The following ZNF184 variants were observed in gnomAD, a reference collection of about 807,000 sequenced individuals.
ZNF184 encodes zinc finger protein 184, also known as zinc finger protein 184 (Kruppel-like).
Under a neutral mutation model 54.4 loss-of-function variants are expected in ZNF184, and 16 were observed. That is an observed-to-expected ratio of 0.29 (90% CI 0.20 to 0.45). The LOEUF is 0.45. Among genes scored for constraint, ZNF184 ranks in the 20% least tolerant of loss-of-function variants. The probability of loss-of-function intolerance (pLI) is 1.00; values close to 1 mark genes in which losing one functional copy is unlikely to be tolerated. For missense variants in ZNF184, 681 were observed against 888.2 expected (o/e 0.77, Z 2.97); for synonymous variants, 254 against 295.3 (o/e 0.86, Z 1.43).
Position 27,451,268 on chromosome 6 carries a change from ATATC to A in ZNF184, c.*31_*34del, listed in dbSNP as rs2113708682. The A allele has an allele frequency of 6.5e-7, 1 of 1,533,650 alleles. No homozygotes were observed. Among genetic ancestry groups the A allele is most frequent in the South Asian group, 1.3e-5 (1 of 76,542 alleles). On this transcript the variant is annotated 3_prime_UTR_variant, in exon 6 of 6. Coordinates refer to ENST00000683788, the MANE Select transcript of ZNF184 (RefSeq NM_001318891.2). ...TTAACAAAAGGACAAACTAAAGTAA[ATATC>A]TCCCCTAAATTTATGATGTTCCTAG...
rs1477657030 is a variant in ZNF184 at position 27,453,310 on chromosome 6, C to G, written c.299-50G>C. 2 of 1,489,744 alleles carry G rather than the reference C, an allele frequency of 1.3e-6. No homozygotes were observed. The highest frequency in any genetic ancestry group is 1.8e-6 in the Non-Finnish European group (2 of 1,118,286). 92.3% of individuals were successfully genotyped at this position (1,489,744 alleles called of 1,614,324 possible). ...GTTCTCTGAATAGAGAAAAAATAAACTGCTATTGTGGGAATAATATAATGA... is the reference window on the plus strand; with the variant it reads ...GTTCTCTGAATAGAGAAAAAATAAAGTGCTATTGTGGGAATAATATAATGA... On this transcript the variant is annotated intron_variant, in intron 5 of 5. Transcript: ENST00000683788. The surrounding 1 kb of genome is among the most constrained non-coding windows in gnomAD (Gnocchi z 4.7).
intron 3 of ZNF184, among the ~76,000 whole-genome samples, chr6:27,459,049 GAGT>G (rs1762934782): frequency 6.6e-6 from 1 of 152,188 alleles, no homozygotes; most frequent in African/African-American, 2.4e-5. Context: ...AGCTCATAGA[GAGT>G]AGAATTGTGC....
chr6:27,467,283 C>T (rs1449865100), intron 3 of ZNF184, among the ~76,000 whole-genome samples: 1 of 152,128 alleles, frequency 6.6e-6, no homozygotes, highest in Non-Finnish European at 1.5e-5. Context: ...TTCTAGCAGT[C>T]ATTTTGGCCT....
the ZNF184 span, among the ~76,000 whole-genome samples, chr6:27,411,587 A>G: frequency 6.6e-6 from 1 of 152,252 alleles, no homozygotes. Context: ...TACAAAGTCA[A>G]TAAGTAGAAC....
At chr6:27,420,339 C>G in the ZNF184 span, among the ~76,000 whole-genome samples, 1 of 152,146 alleles carries the variant, frequency 6.6e-6, no homozygotes, top group Non-Finnish European at 1.5e-5. Context: ...CTGTCTATTC[C>G]TCTATGCTAG....
the ZNF184 span, among the ~76,000 whole-genome samples, chr6:27,422,238 C>A: frequency 1.1e-4 from 16 of 142,446 alleles, no homozygotes; most frequent in East Asian, 2.2e-4. Context: ...AATTCAGAGA[C>A]CACACTGGCA....
At chr6:27,414,433 T>A in the ZNF184 span, among the ~76,000 whole-genome samples, 8 of 152,172 alleles carry the variant, frequency 5.3e-5, no homozygotes, top group African/African-American at 1.9e-4. Flanking sequence ...CCCCACATAG[T>A]GTGGTCCTTC....
the ZNF184 span, among the ~76,000 whole-genome samples, chr6:27,419,836 T>G: frequency 6.6e-6 from 1 of 152,168 alleles, no homozygotes; most frequent in East Asian, 1.9e-4. The surrounding 1 kb of genome is among the most constrained non-coding windows in gnomAD (Gnocchi z 4.8). Flanking sequence ...GCTTTCTCAC[T>G]TCCCCTCGTG....
At chr6:27,442,737 AGGAG>A in the ZNF184 span, among the ~76,000 whole-genome samples, 54 of 133,468 alleles carry the variant, frequency 4.0e-4, 5 homozygotes, top group Admixed American at 2.2e-3. Context: ...GAAGGAAGGA[AGGAG>A]GGAGGGAGGG....
At chr6:27,458,295 TAAAAAAAAAAAAA>T (rs55966783) in intron 3 of ZNF184, among the ~76,000 whole-genome samples, 1 of 62,364 alleles carries the variant, frequency 1.6e-5, no homozygotes, top group African/African-American at 6.8e-5. Flanking sequence ...TTCTGCACAG[TAAAAAAAAAAAAA>T]AAAAAAAAAA....
At chr6:27,408,123 T>C in the ZNF184 span, 2 of 683,514 alleles carry the variant, frequency 2.9e-6, no homozygotes. Flanking sequence ...CCTGTAGCAG[T>C]TTGTTACACT....
downstream of ZNF184, among the ~76,000 whole-genome samples, chr6:27,446,762 T>C (rs187420875): frequency 1.3e-5 from 2 of 152,278 alleles, no homozygotes; most frequent in African/African-American, 4.8e-5. Flanking sequence ...GACTGAACCA[T>C]TGGAGCAGGG....
chr6:27,445,863 G>A (rs975245092), downstream of ZNF184, among the ~76,000 whole-genome samples: 7 of 152,164 alleles, frequency 4.6e-5, no homozygotes, highest in Non-Finnish European at 1.0e-4. Flanking sequence ...TTGTGTCTGC[G>A]TTCTAGGGCC....
rs7744248 is a variant in ZNF184 at position 27,453,442 on chromosome 6, G to A, written c.299-182C>T. Among the ~76,000 whole-genome samples the A allele has an allele frequency of 0.015, 2,303 of 152,198 alleles. 33 individuals carry two copies. The highest frequency in any genetic ancestry group is 0.039 in the African/African-American group (1,606 of 41,524). ...CTAAGGAGAATTATAAATAAAATACGAAAGTGGCAAAAGAATGTCTAATTC... is the reference window on the plus strand; with the variant it reads ...CTAAGGAGAATTATAAATAAAATACAAAAGTGGCAAAAGAATGTCTAATTC... On this transcript the variant is annotated intron_variant, in intron 5 of 5. Transcript: ENST00000683788. The surrounding 1 kb of genome is among the most constrained non-coding windows in gnomAD (Gnocchi z 4.7).
the ZNF184 span, among the ~76,000 whole-genome samples, chr6:27,410,034 G>A: frequency 2.0e-5 from 3 of 152,114 alleles, no homozygotes; most frequent in Non-Finnish European, 4.4e-5. Context: ...GTACAGTAAC[G>A]TGATGTACAG....
chr6:27,411,132 G>A, the ZNF184 span, among the ~76,000 whole-genome samples: 1 of 152,200 alleles, frequency 6.6e-6, no homozygotes, highest in Non-Finnish European at 1.5e-5. Flanking sequence ...GGGCTTCTGT[G>A]TGCTTTCAAG....
downstream of ZNF184, among the ~76,000 whole-genome samples, chr6:27,447,430 C>T (rs953582804): frequency 6.6e-6 from 1 of 151,688 alleles, no homozygotes; most frequent in African/African-American, 2.4e-5. Context: ...GTGATTAGGT[C>T]GGCCGGGCAC....
chr6:27,448,316 C>G (rs1463194650), downstream of ZNF184, among the ~76,000 whole-genome samples: 1 of 152,196 alleles, frequency 6.6e-6, no homozygotes, highest in East Asian at 1.9e-4. Context: ...CAACTACTTC[C>G]CATCGTTTTG....
intron 4 of ZNF184, 75 bp downstream of exon 4, chr6:27,457,208 C>T (rs1212816031): frequency 2.0e-6 from 3 of 1,537,648 alleles, no homozygotes; most frequent in Non-Finnish European, 2.6e-6. Context: ...AACTTAAAGG[C>T]AAACTCCCCT....
Sources: gnomAD v4.1 joint callset for allele counts (sites outside exome capture counted in the v4.1 genomes callset) on GRCh38, gnomAD v4.1.1 for gene constraint, Gnocchi (gnomAD v3.1) non-coding constraint, MANE v1.5 for transcripts, NCBI Gene and HGNC (gene_info 2026-07-23, HGNC 2026-07-21) for gene names.